ZNF385D: variants seen among roughly 807,000 people sequenced by gnomAD.
The protein encoded by ZNF385D is zinc finger protein 659.
A neutral mutation model predicts 35.8 loss-of-function variants in ZNF385D; 15 were observed. That is an observed-to-expected ratio of 0.42 (90% CI 0.28 to 0.64). The LOEUF (loss-of-function observed/expected upper bound fraction) is 0.64. ZNF385D is among the 30% of genes least tolerant of loss of function. The probability of loss-of-function intolerance (pLI) is 0.23; values close to 1 mark genes in which losing one functional copy is unlikely to be tolerated. For synonymous variants in ZNF385D, 212 were observed against 186.8 expected, an observed-to-expected ratio of 1.13 and a Z score of -1.10; for missense variants, 474 against 494.6, an observed-to-expected ratio of 0.96 and a Z score of 0.39.
At chr3:21,453,947 TAAC>T (rs1702620943) in intron 4 of ZNF385D, among the ~76,000 whole-genome samples, 1 of 152,054 alleles carries the variant, frequency 6.6e-6, no homozygotes, top group Non-Finnish European at 1.5e-5. Flanking sequence ...CAAAAGGTAG[TAAC>T]AACCCAAATG....
intron 3 of ZNF385D, among the ~76,000 whole-genome samples, chr3:22,060,613 T>G (rs1268847866): frequency 3.9e-5 from 6 of 152,162 alleles, no homozygotes; most frequent in Non-Finnish European, 8.8e-5. Context: ...ATTTCAACAA[T>G]GAATTCATTT....
At chr3:21,817,906 T>C (rs910860989) in intron 3 of ZNF385D, among the ~76,000 whole-genome samples, 3 of 152,214 alleles carry the variant, frequency 2.0e-5, no homozygotes, top group Non-Finnish European at 4.4e-5. Flanking sequence ...CTACTCACAA[T>C]AGCAAAGACT....
chr3:21,723,892 G>A (rs908188687), intron 1 of ZNF385D, among the ~76,000 whole-genome samples: 2 of 152,116 alleles, frequency 1.3e-5, no homozygotes, highest in African/African-American at 2.4e-5. Flanking sequence ...GTTAAGGGCA[G>A]CCAGAGAGAA....
At chr3:22,368,560 T>C (rs1337137324) in intron 2 of ZNF385D, among the ~76,000 whole-genome samples, 1 of 152,182 alleles carries the variant, frequency 6.6e-6, no homozygotes, top group Non-Finnish European at 1.5e-5. Flanking sequence ...CTGGAGGCTG[T>C]GAAGACCAGG....
chr3:21,709,358 T>C lies in ZNF385D; in HGVS notation c.22+41537A>G, dbSNP rs960432826. On this transcript the variant is annotated intron_variant, in intron 1 of 7. Transcript: ENST00000281523. ...TTTTCGAGCCAGAGTTGTCTGTACC[T>C]GCTTTTTACTAATAATTTAGTCCCC... Among the ~76,000 whole-genome samples, 3 of 152,176 alleles carry C rather than the reference T, an allele frequency of 2.0e-5. No individual in the cohort carries two copies. In the East Asian group the frequency reaches 5.8e-4, roughly 29 times the overall value.
chr3:21,427,056 G>T (rs1345911635), intron 5 of ZNF385D, among the ~76,000 whole-genome samples: 2 of 152,142 alleles, frequency 1.3e-5, no homozygotes, highest in Non-Finnish European at 2.9e-5. Context: ...CCAGAGAACT[G>T]CTCCAGTGTA....
At chr3:21,657,105 A>G (rs1356938653) in intron 2 of ZNF385D, among the ~76,000 whole-genome samples, 1 of 151,852 alleles carries the variant, frequency 6.6e-6, no homozygotes, top group Non-Finnish European at 1.5e-5. Context: ...TCGATCTTTA[A>G]TGAGAAGAAC....
chr3:21,578,219 G>A (rs1195096011), intron 2 of ZNF385D, among the ~76,000 whole-genome samples: 2 of 151,852 alleles, frequency 1.3e-5, no homozygotes, highest in African/African-American at 2.4e-5. Flanking sequence ...TGTATATTAC[G>A]GATATTAATC....
At chr3:22,335,500 G>C (rs116362785) in intron 2 of ZNF385D, among the ~76,000 whole-genome samples, 1 of 151,914 alleles carries the variant, frequency 6.6e-6, no homozygotes, top group Non-Finnish European at 1.5e-5. Context: ...TTCTTTAAAC[G>C]CTCCTTCAGA....
At chr3:21,520,743 G>T (rs192944096) in intron 3 of ZNF385D, among the ~76,000 whole-genome samples, 2 of 152,238 alleles carry the variant, frequency 1.3e-5, no homozygotes, top group Non-Finnish European at 2.9e-5. Context: ...GAAATACAAT[G>T]AATAATTCCA....
intron 3 of ZNF385D, among the ~76,000 whole-genome samples, chr3:21,854,463 T>C (rs1231091654): frequency 6.6e-6 from 1 of 151,972 alleles, no homozygotes; most frequent in Non-Finnish European, 1.5e-5. Context: ...GCACGCAACC[T>C]TGGCAATAAT....
chr3:21,819,073 G>T (rs1213672971), intron 3 of ZNF385D, among the ~76,000 whole-genome samples: 3 of 151,738 alleles, frequency 2.0e-5, no homozygotes, highest in African/African-American at 7.3e-5. Context: ...TAATTTTCTG[G>T]AATAAAAATA....
At chr3:22,017,898 C>T (rs1904536) in intron 3 of ZNF385D, among the ~76,000 whole-genome samples, 80,909 of 151,534 alleles carry the variant, frequency 0.53, 22,254 homozygotes, top group East Asian at 0.88. Context: ...TTGTTTTTTG[C>T]CTATTCAATT....
At chr3:22,076,854 A>G (rs976045191) in intron 3 of ZNF385D, among the ~76,000 whole-genome samples, 2 of 151,998 alleles carry the variant, frequency 1.3e-5, no homozygotes, top group Admixed American at 1.3e-4. Context: ...GAAATTATCC[A>G]TTTTAAAATT....
intron 2 of ZNF385D, among the ~76,000 whole-genome samples, chr3:22,319,195 A>G (rs2125442146): frequency 6.6e-6 from 1 of 152,272 alleles, no homozygotes; most frequent in East Asian, 1.9e-4. Context: ...CTACTTTTCA[A>G]CCAAGTCTTT....
intron 1 of ZNF385D, among the ~76,000 whole-genome samples, chr3:21,728,190 C>T (rs1488764936): frequency 6.6e-6 from 1 of 151,790 alleles, no homozygotes; most frequent in African/African-American, 2.4e-5. Context: ...ATGTAAGTGA[C>T]GGGTTGATGG....
rs77154627 is a variant in ZNF385D at position 21,766,952 on chromosome 3, A to C, written c.326-101924T>G. On this transcript the variant is annotated intron_variant, in intron 3 of 5. Transcript: ENST00000494108. ...TCTTACCTAATCCGACACTTGACTC[A>C]AGTTGTGAGCTCAATGGCCATATTT... Among the ~76,000 whole-genome samples, 372 of 152,180 alleles carry C rather than the reference A, an allele frequency of 2.4e-3. 2 individuals carry two copies. Among genetic ancestry groups the C allele is most frequent in the Non-Finnish European group, 4.2e-3 (287 of 67,982 alleles).
chr3:22,012,294 T>A (rs1345396973), intron 3 of ZNF385D, among the ~76,000 whole-genome samples: 1 of 152,168 alleles, frequency 6.6e-6, no homozygotes, highest in Non-Finnish European at 1.5e-5. Context: ...TTTTTGAACT[T>A]TATTCAAGTA....
chr3:21,984,231 G>C (rs1356851506), intron 3 of ZNF385D, among the ~76,000 whole-genome samples: 1 of 147,514 alleles, frequency 6.8e-6, no homozygotes, highest in Non-Finnish European at 1.5e-5. Flanking sequence ...TGGACCTGAA[G>C]TCCTTGGCCA....
Sources: allele counts gnomAD v4.1 joint callset (sites outside exome capture counted in the v4.1 genomes callset), GRCh38; gene constraint gnomAD v4.1.1; transcripts MANE v1.5; gene names NCBI Gene and HGNC (gene_info 2026-07-23, HGNC 2026-07-21).